Variants in LSAMP observed in about 807,000 individuals in gnomAD.
LSAMP encodes limbic system-associated membrane protein.
LSAMP carries 7 observed loss-of-function variants against 38.6 expected under a neutral mutation model. The observed-to-expected ratio is 0.18, with a 90% CI of 0.10 to 0.34. The LOEUF (loss-of-function observed/expected upper bound fraction) is 0.34. Among genes scored for constraint, LSAMP ranks in the 10% least tolerant of loss-of-function variants. The probability of loss-of-function intolerance (pLI) is 1.00; values close to 1 mark genes in which losing one functional copy is unlikely to be tolerated. For missense variants in LSAMP, 313 were observed against 420.0 expected (o/e 0.75, Z 2.23); for synonymous variants, 154 against 166.8 (o/e 0.92, Z 0.59).
At chr3:116,287,942 A>G (rs898006230) in intron 1 of LSAMP, among the ~76,000 whole-genome samples, 1 of 152,212 alleles carries the variant, frequency 6.6e-6, no homozygotes. Context: ...CTCAGGAAGC[A>G]TGATATTTCC....
intron 3 of LSAMP, among the ~76,000 whole-genome samples, chr3:115,958,980 G>T (rs1938542591): frequency 6.6e-6 from 1 of 152,110 alleles, no homozygotes; most frequent in Non-Finnish European, 1.5e-5. Context: ...CCCCAGAATT[G>T]TGCCTAGAGG....
chr3:116,141,472 T>C (rs538090471), intron 1 of LSAMP, among the ~76,000 whole-genome samples: 10 of 152,016 alleles, frequency 6.6e-5, no homozygotes, highest in Admixed American at 2.6e-4. Flanking sequence ...CTCCCTCTCC[T>C]CCATTTCCAT....
chr3:116,195,860 A>T (rs1436785442), intron 1 of LSAMP, among the ~76,000 whole-genome samples: 1 of 152,200 alleles, frequency 6.6e-6, no homozygotes, highest in Non-Finnish European at 1.5e-5. Flanking sequence ...TAGATTGACT[A>T]AATTAGAATC....
chr3:116,351,689 A>G, intron 1 of LSAMP, among the ~76,000 whole-genome samples: 1 of 152,076 alleles, frequency 6.6e-6, no homozygotes. Context: ...TAGCCCTAGA[A>G]ACTGTTGTCT....
intron 1 of LSAMP, among the ~76,000 whole-genome samples, chr3:116,350,399 C>T (rs2048121994): frequency 6.6e-6 from 1 of 152,010 alleles, no homozygotes; most frequent in South Asian, 2.1e-4. Context: ...TTACTCTCAG[C>T]TGCAGTTCGA....
At chr3:116,360,050 C>G (rs908578927) in intron 1 of LSAMP, 1 of 154,432 alleles carries the variant, frequency 6.5e-6, no homozygotes, top group Non-Finnish European at 1.4e-5. Context: ...CAGCTCCCAG[C>G]GTGAGCGACG....
chr3:116,079,264 T>C (rs1194907054), intron 2 of LSAMP, among the ~76,000 whole-genome samples: 1 of 152,344 alleles, frequency 6.6e-6, no homozygotes, highest in East Asian at 1.9e-4. Context: ...CCTTCGGAGA[T>C]GCCTCCTCAC....
intron 3 of LSAMP, among the ~76,000 whole-genome samples, chr3:115,931,856 A>G (rs1937585819): frequency 1.3e-5 from 2 of 152,188 alleles, no homozygotes; most frequent in South Asian, 4.1e-4. Flanking sequence ...ACAAAGGACG[A>G]GTAAATAGCA....
At chr3:116,086,178 CT>C in intron 2 of LSAMP, 145 bp downstream of exon 2, 1 of 708,184 alleles carries the variant, frequency 1.4e-6, no homozygotes, top group Middle Eastern at 3.8e-4. Flanking sequence ...TTTTAAGTGT[CT>C]TTTTAGACAG....
intron 1 of LSAMP, among the ~76,000 whole-genome samples, chr3:116,327,431 A>G (rs1379139425): frequency 6.6e-6 from 1 of 152,032 alleles, no homozygotes; most frequent in Non-Finnish European, 1.5e-5. Context: ...ACTTCACCAA[A>G]ACATTACCTT....
intron 3 of LSAMP, among the ~76,000 whole-genome samples, chr3:115,900,222 A>G (rs1205862534): frequency 6.6e-6 from 1 of 152,168 alleles, no homozygotes; most frequent in African/African-American, 2.4e-5. Context: ...TTAAGTTTAA[A>G]TTGCTATTTC....
intron 3 of LSAMP, among the ~76,000 whole-genome samples, chr3:115,866,527 T>G (rs1576164919): frequency 6.6e-6 from 1 of 152,174 alleles, no homozygotes; most frequent in Non-Finnish European, 1.5e-5. Flanking sequence ...GTGGATAAGC[T>G]GTTGGTGAAC....
chr3:116,222,444 T>C (rs551284904), intron 1 of LSAMP, among the ~76,000 whole-genome samples: 2 of 152,296 alleles, frequency 1.3e-5, no homozygotes, highest in African/African-American at 4.8e-5. Context: ...TTTTTATATC[T>C]ACCGATTTAA....
At position 116,006,464 on chromosome 3, in the gene LSAMP, C is replaced by T. The variant is rs537611924; in HGVS notation, c.514+13051G>A. 2.0e-5 allele frequency among the ~76,000 whole-genome samples: 3 copies of T among 152,230 alleles called. No individual in the cohort carries two copies. The East Asian group carries it at 5.8e-4, about 29-fold the overall frequency. On this transcript the variant is annotated intron_variant, in intron 3 of 6. Coordinates refer to ENST00000490035, the MANE Select transcript of LSAMP (RefSeq NM_002338.5). ...TATAGCCCACAGCTGATGGATACAA[C>T]GTAGTAACTATTTTTTAAAATAAAT...
At chr3:116,012,114 T>A (rs954739000) in intron 3 of LSAMP, among the ~76,000 whole-genome samples, 5 of 152,214 alleles carry the variant, frequency 3.3e-5, no homozygotes, top group African/African-American at 1.2e-4. Flanking sequence ...GCATCCTGTT[T>A]CTTAGTGGCT....
chr3:116,023,627 G>GTTTC (rs1940701708), intron 2 of LSAMP, among the ~76,000 whole-genome samples: 1 of 148,570 alleles, frequency 6.7e-6, no homozygotes, highest in South Asian at 2.1e-4. Context: ...AAAAAAAACG[G>GTTTC]TTTCTTTGCC....
At chr3:115,952,119 G>A (rs1200027422) in intron 3 of LSAMP, among the ~76,000 whole-genome samples, 4 of 152,138 alleles carry the variant, frequency 2.6e-5, no homozygotes, top group African/African-American at 9.7e-5. Context: ...CTGCTGGTGG[G>A]AATGTAGATT....
chr3:115,821,299 G>GAAC (rs1553735495), intron 6 of LSAMP, among the ~76,000 whole-genome samples: 1 of 152,118 alleles, frequency 6.6e-6, no homozygotes, highest in Non-Finnish European at 1.5e-5. Context: ...TGCTTTCTTT[G>GAAC]AGTTATATCT....
At chr3:116,391,485 G>A (rs1243068716) in intron 1 of LSAMP, among the ~76,000 whole-genome samples, 1 of 152,180 alleles carries the variant, frequency 6.6e-6, no homozygotes, top group Non-Finnish European at 1.5e-5. Flanking sequence ...CCTGCCCCTG[G>A]GAGACTTCTG....
Sources: gnomAD v4.1 joint callset for allele counts (sites outside exome capture counted in the v4.1 genomes callset) on GRCh38, gnomAD v4.1.1 for gene constraint, MANE v1.5 for transcripts, NCBI Gene and HGNC (gene_info 2026-07-23, HGNC 2026-07-21) for gene names.